Variants in LY6S observed in about 807,000 individuals in gnomAD.
LY6S encodes the protein lymphocyte antigen 6 family member S.
At chr8:143,070,434 T>A in the LY6S span, among the ~76,000 whole-genome samples, 25 of 90,810 alleles carry the variant, frequency 2.8e-4, 4 homozygotes, top group African/African-American at 6.0e-4. Context: ...ATATATATAT[T>A]ATATATATAT....
the LY6S span, among the ~76,000 whole-genome samples, chr8:143,045,459 C>T: frequency 6.6e-6 from 1 of 152,136 alleles, no homozygotes; most frequent in African/African-American, 2.4e-5. This position sits in a 1 kb window ranked among gnomAD's most constrained non-coding sequence, Gnocchi z 5.3. Flanking sequence ...CCAGAACATC[C>T]GGCTCTCCAT....
chr8:143,052,280 CA>C, the LY6S span, among the ~76,000 whole-genome samples: 203 of 144,844 alleles, frequency 1.4e-3, 3 homozygotes, highest in East Asian at 0.025. Context: ...GACTCCGTCT[CA>C]AAAAAAAAAA....
the LY6S span, chr8:143,057,726 C>A: frequency 1.3e-6 from 1 of 793,682 alleles, no homozygotes; most frequent in Non-Finnish European, 2.3e-6. Flanking sequence ...TCAAAGGGCA[C>A]ATTCAGCTTA....
At chr8:143,049,343 TG>T in the LY6S span, 1 of 525,658 alleles carries the variant, frequency 1.9e-6, no homozygotes, top group Non-Finnish European at 3.9e-6. Context: ...CTGTTTGTCC[TG>T]GGTACAAGTT....
the LY6S span, among the ~76,000 whole-genome samples, chr8:143,071,677 AG>A: frequency 3.3e-5 from 5 of 152,280 alleles, no homozygotes; most frequent in South Asian, 1.0e-3. Context: ...GCAATCCCCA[AG>A]GTCCCCAAAC....
the LY6S span, among the ~76,000 whole-genome samples, chr8:143,072,012 C>T: frequency 6.6e-6 from 1 of 152,192 alleles, no homozygotes; most frequent in African/African-American, 2.4e-5. Context: ...GAATGTGGCA[C>T]CCCCATGCTT....
At chr8:143,046,591 A>T in the LY6S span, among the ~76,000 whole-genome samples, 7 of 152,014 alleles carry the variant, frequency 4.6e-5, no homozygotes, top group African/African-American at 1.7e-4. Flanking sequence ...AAAAAAAAAA[A>T]AAAATGAGAG....
At chr8:143,046,316 G>T in the LY6S span, among the ~76,000 whole-genome samples, 176 of 151,058 alleles carry the variant, frequency 1.2e-3, 3 homozygotes, top group Admixed American at 0.01. Flanking sequence ...GGTGGCTCAC[G>T]CCTGTGATCC....
chr8:143,050,920 C>T, the LY6S span, among the ~76,000 whole-genome samples: 4 of 152,352 alleles, frequency 2.6e-5, no homozygotes, highest in East Asian at 1.9e-4. Context: ...GGGCCCGGCT[C>T]GGGGTCGGGG....
At chr8:143,066,598 T>A in the LY6S span, 102 of 267,084 alleles carry the variant, frequency 3.8e-4, no homozygotes, top group Non-Finnish European at 6.1e-4. Context: ...CTTGGAGGCA[T>A]AGACCGGAAA....
chr8:143,070,496 T>A, the LY6S span, among the ~76,000 whole-genome samples: 654 of 117,560 alleles, frequency 5.6e-3, 24 homozygotes, highest in Non-Finnish European at 9.1e-3. Flanking sequence ...TATATTTTTT[T>A]TTTTTTTTGA....
chr8:143,051,110 CT>C, the LY6S span, among the ~76,000 whole-genome samples: 1 of 152,230 alleles, frequency 6.6e-6, no homozygotes, highest in African/African-American at 2.4e-5. Context: ...CCTTCACTGC[CT>C]GGGACATCAA....
At chr8:143,053,638 G>A in the LY6S span, 2 of 152,048 alleles carry the variant, frequency 1.3e-5, no homozygotes, top group Non-Finnish European at 2.9e-5. Flanking sequence ...AACGATCAAC[G>A]GTAATTCAAA....
chr8:143,042,744 C>T, the LY6S span, among the ~76,000 whole-genome samples: 1 of 152,148 alleles, frequency 6.6e-6, no homozygotes, highest in African/African-American at 2.4e-5. Context: ...AGGGGTTGGC[C>T]CTGGCTCCTC....
At chr8:143,051,655 C>T in the LY6S span, among the ~76,000 whole-genome samples, 3 of 152,068 alleles carry the variant, frequency 2.0e-5, no homozygotes, top group South Asian at 6.2e-4. Context: ...CTCAGCCAGA[C>T]CAGTAGAAAA....
chr8:143,071,424 G>T, the LY6S span, among the ~76,000 whole-genome samples: 16 of 152,250 alleles, frequency 1.1e-4, no homozygotes, highest in African/African-American at 3.9e-4. Context: ...GTCAAAACCC[G>T]CAGAATATAC....
the LY6S span, among the ~76,000 whole-genome samples, chr8:143,041,247 G>A: frequency 1.4e-3 from 219 of 152,324 alleles, 1 homozygote; most frequent in African/African-American, 5.0e-3. Context: ...AACTGTAAAA[G>A]GCAGCCGTCC....
At chr8:143,073,967 C>G in the LY6S span, among the ~76,000 whole-genome samples, 1 of 151,900 alleles carries the variant, frequency 6.6e-6, no homozygotes, top group East Asian at 1.9e-4. Context: ...GAGGAGACAG[C>G]CGTCGTCCCC....
the LY6S span, chr8:143,057,866 G>A: frequency 7.4e-6 from 5 of 678,346 alleles, no homozygotes; most frequent in African/African-American, 1.8e-5. Context: ...GGCCTGTGTC[G>A]GGTGCCATAT....
Sources: gnomAD v4.1 joint callset for allele counts (sites outside exome capture counted in the v4.1 genomes callset) on GRCh38, gnomAD v4.1.1 for gene constraint, Gnocchi (gnomAD v3.1) non-coding constraint, MANE v1.5 for transcripts, NCBI Gene and HGNC (gene_info 2026-07-23, HGNC 2026-07-21) for gene names.